The following PRIM2 variants were observed in gnomAD, a reference collection of about 807,000 sequenced individuals.
PRIM2 encodes the protein DNA primase subunit 2.
A neutral mutation model predicts 67.3 loss-of-function variants in PRIM2; 39 were observed. The observed-to-expected ratio is 0.58, with a 90% CI of 0.45 to 0.76. The LOEUF (loss-of-function observed/expected upper bound fraction) is 0.76, where lower values mean the gene tolerates loss of function less well. PRIM2 is among the 30% of genes least tolerant of loss of function. PRIM2 has a pLI of 0.00. For synonymous variants in PRIM2, 143 were observed against 198.7 expected, an observed-to-expected ratio of 0.72 and a Z score of 2.36; for missense variants, 398 against 598.7, an observed-to-expected ratio of 0.66 and a Z score of 3.50.
intron 7 of PRIM2, among the ~76,000 whole-genome samples, chr6:57,397,416 T>C (rs912133078): frequency 2.0e-5 from 3 of 152,176 alleles, no homozygotes; most frequent in African/African-American, 7.2e-5. Context: ...GAAGACCTTG[T>C]CTTCAAGCTC....
chr6:57,588,976 A>G (rs1231880314), intron 10 of PRIM2, among the ~76,000 whole-genome samples: 6 of 152,134 alleles, frequency 3.9e-5, no homozygotes, highest in Non-Finnish European at 5.9e-5. Context: ...TGACCAATCA[A>G]TTTTAATGGG....
chr6:57,258,572 C>CA, the PRIM2 span, among the ~76,000 whole-genome samples: 1 of 150,340 alleles, frequency 6.7e-6, no homozygotes, highest in African/African-American at 2.5e-5. Flanking sequence ...GAGGGCCCCC[C>CA]AGCCCCCACC....
At chr6:57,599,594 G>T (rs1776424972) in intron 10 of PRIM2, among the ~76,000 whole-genome samples, 2 of 151,860 alleles carry the variant, frequency 1.3e-5, no homozygotes, top group South Asian at 2.1e-4. Context: ...ACATTATCAT[G>T]CTATTTTCTA....
upstream of PRIM2, among the ~76,000 whole-genome samples, chr6:57,311,724 T>C (rs1322163396): frequency 6.6e-6 from 1 of 151,936 alleles, no homozygotes; most frequent in Non-Finnish European, 1.5e-5. Context: ...GCCACTGCAC[T>C]CCAGCCTGGG....
chr6:57,520,024 T>C (rs1774578818), intron 8 of PRIM2, among the ~76,000 whole-genome samples: 1 of 152,152 alleles, frequency 6.6e-6, no homozygotes, highest in East Asian at 1.9e-4. Flanking sequence ...CCTTGCTCTT[T>C]TGATCTATGA....
intron 13 of PRIM2, among the ~76,000 whole-genome samples, chr6:57,634,862 A>C (rs1204433268): frequency 6.6e-6 from 1 of 152,230 alleles, no homozygotes; most frequent in Non-Finnish European, 1.5e-5. Flanking sequence ...ATATAAAAAT[A>C]GTCTAACTAA....
the PRIM2 span, among the ~76,000 whole-genome samples, chr6:57,256,626 T>A: frequency 2.4e-5 from 3 of 123,762 alleles, no homozygotes; most frequent in Admixed American, 9.2e-5. Flanking sequence ...TCTTTCTCTT[T>A]CTCTTACACA....
At chr6:57,465,514 G>A (rs35704134) in intron 7 of PRIM2, among the ~76,000 whole-genome samples, 3 of 152,192 alleles carry the variant, frequency 2.0e-5, no homozygotes, top group East Asian at 3.9e-4. Flanking sequence ...GGACTTTGTC[G>A]CAGATCTGGA....
intron 7 of PRIM2, among the ~76,000 whole-genome samples, chr6:57,432,167 G>C (rs1362047327): frequency 6.6e-6 from 1 of 152,096 alleles, no homozygotes; most frequent in Non-Finnish European, 1.5e-5. Flanking sequence ...TTATAAATTT[G>C]CCAACAATTG....
chr6:57,378,066 CT>C (rs72149303), intron 5 of PRIM2, among the ~76,000 whole-genome samples: 363 of 142,054 alleles, frequency 2.6e-3, no homozygotes, highest in Admixed American at 3.0e-3. Flanking sequence ...TCTTCTTCTT[CT>C]TTTTTTTTTT....
chr6:57,359,549 G>A (rs1224701180), intron 5 of PRIM2, among the ~76,000 whole-genome samples: 1 of 152,190 alleles, frequency 6.6e-6, no homozygotes, highest in Non-Finnish European at 1.5e-5. Context: ...TACAATGGCT[G>A]TTATTTTAAA....
At chr6:57,554,066 C>T (rs1775459484) in intron 10 of PRIM2, among the ~76,000 whole-genome samples, 1 of 152,056 alleles carries the variant, frequency 6.6e-6, no homozygotes, top group African/African-American at 2.4e-5. Flanking sequence ...GTATTTTAAT[C>T]ATTAACTTAT....
chr6:57,508,421 TA>T (rs1257894657), intron 8 of PRIM2, among the ~76,000 whole-genome samples: 1 of 152,206 alleles, frequency 6.6e-6, no homozygotes, highest in African/African-American at 2.4e-5. Flanking sequence ...TACTATAGCA[TA>T]TTTATCTCCC....
At chr6:57,505,379 A>C (rs1554347189) in intron 7 of PRIM2, 1 of 152,156 alleles carries the variant, frequency 6.6e-6, no homozygotes, top group Non-Finnish European at 1.5e-5. Context: ...CATCAAGCAC[A>C]TGTGTTCCAG....
intron 5 of PRIM2, among the ~76,000 whole-genome samples, chr6:57,362,987 C>A (rs1475969312): frequency 5.3e-5 from 8 of 152,132 alleles, no homozygotes; most frequent in Admixed American, 3.3e-4. Context: ...TGAAAGCATG[C>A]TTACTCTCAT....
the PRIM2 span, chr6:57,222,270 A>T: frequency 6.6e-6 from 1 of 151,680 alleles, no homozygotes. Flanking sequence ...GGGAGTCTCG[A>T]CTCCCCTCAT....
the PRIM2 span, among the ~76,000 whole-genome samples, chr6:57,295,001 G>A: frequency 6.6e-6 from 1 of 152,044 alleles, no homozygotes; most frequent in Non-Finnish European, 1.5e-5. Flanking sequence ...CAGAGAAGGG[G>A]TTTCATCATG....
intron 8 of PRIM2, among the ~76,000 whole-genome samples, chr6:57,520,897 A>G (rs1418558347): frequency 2.0e-5 from 3 of 152,204 alleles, no homozygotes; most frequent in African/African-American, 7.2e-5. Flanking sequence ...GGAAACCCGT[A>G]TGGTCCTGAT....
intron 7 of PRIM2, among the ~76,000 whole-genome samples, chr6:57,478,450 C>T (rs1388792974): frequency 2.0e-5 from 3 of 151,726 alleles, no homozygotes; most frequent in Non-Finnish European, 4.4e-5. Context: ...AAGTCTTCCT[C>T]CTGCCTCTGC....
Sources: gnomAD v4.1 joint callset for allele counts (sites outside exome capture counted in the v4.1 genomes callset) on GRCh38, gnomAD v4.1.1 for gene constraint, MANE v1.5 for transcripts, NCBI Gene and HGNC (gene_info 2026-07-23, HGNC 2026-07-21) for gene names.